ZNF644: variants seen among roughly 807,000 people sequenced by gnomAD.
ZNF644 encodes the protein zinc finger protein 644, also known as zinc finger motif enhancer binding protein 2.
Under a neutral mutation model 108.0 loss-of-function variants are expected in ZNF644, and 20 were observed. That is an observed-to-expected ratio of 0.19 (90% CI 0.13 to 0.27). The LOEUF (loss-of-function observed/expected upper bound fraction) is 0.27. ZNF644 is among the 10% of genes least tolerant of loss of function. The pLI is 1.00. For synonymous variants in ZNF644, 542 were observed against 539.1 expected, an observed-to-expected ratio of 1.01 and a Z score of -0.08; for missense variants, 1,338 against 1,548.9, an observed-to-expected ratio of 0.86 and a Z score of 2.29.
intron 1 of ZNF644, among the ~76,000 whole-genome samples, chr1:91,009,744 T>C (rs1045223813): frequency 1.3e-5 from 2 of 152,196 alleles, no homozygotes; most frequent in Non-Finnish European, 2.9e-5. Context: ...TTTATTGGTT[T>C]TCAAAGTAAA....
rs1020058948 is a variant in ZNF644 at position 90,943,290 on chromosome 1, A to T, written c.45-1981T>A. Among the ~76,000 whole-genome samples, 3 of 152,212 alleles carry T rather than the reference A, an allele frequency of 2.0e-5. No individual in the cohort carries two copies. In the South Asian group the frequency reaches 6.2e-4, roughly 32 times the overall value. Reference sequence around the variant, plus strand: ...CCCCGTCTCTACTAAAAATAAAAAAAATTAGCCAGGCGTGGTGGTGGGTGC... The same window carrying T: ...CCCCGTCTCTACTAAAAATAAAAAATATTAGCCAGGCGTGGTGGTGGGTGC... On this transcript the variant is annotated intron_variant, in intron 2 of 5. Coordinates refer to ENST00000337393, the MANE Select transcript of ZNF644 (RefSeq NM_201269.3).
Position 90,940,509 on chromosome 1 carries a change from T to C in ZNF644, c.845A>G (p.His282Arg). Residue 282 changes from histidine (H) to arginine (R), a missense_variant, in exon 3 of 6, where the codon CAT (histidine) becomes CGT (arginine). His to Arg is a conservative substitution (Grantham distance 29). Coordinates refer to ENST00000337393, the MANE Select transcript of ZNF644 (RefSeq NM_201269.3). ...TTTTTTTTCTAGACCTATTTTAGAA[T>C]GAGGTGGAGCTTTATCTACTGTTTC... ...NEETVDKAPP[H>R]SKIGLEKKRK... The C allele has an allele frequency of 6.2e-7, 1 of 1,613,840 alleles. No individual in the cohort carries two copies. The highest frequency in any genetic ancestry group is 8.5e-7 in the Non-Finnish European group (1 of 1,179,870).
At chr1:90,946,482 G>A (rs1266939541) in intron 2 of ZNF644, among the ~76,000 whole-genome samples, 1 of 152,010 alleles carries the variant, frequency 6.6e-6, no homozygotes, top group East Asian at 1.9e-4. Flanking sequence ...CAAATGTTTA[G>A]TACTTAGTTA....
intron 2 of ZNF644, among the ~76,000 whole-genome samples, chr1:90,953,473 C>T (rs575311327): frequency 1.6e-4 from 24 of 151,816 alleles, no homozygotes; most frequent in South Asian, 6.3e-4. Flanking sequence ...AGCAAACCAC[C>T]GTGGCACACA....
rs1557570145 is a variant in ZNF644 at position 90,939,516 on chromosome 1, C to G, written c.1838G>C (p.Cys613Ser). The G allele has an allele frequency of 6.2e-7, 1 of 1,613,802 alleles. No individual in the cohort carries two copies. The highest frequency in any genetic ancestry group is 1.7e-5 in the Admixed American group (1 of 59,994). Residue 613 changes from cysteine (C) to serine (S), a missense_variant, in exon 3 of 6, where the codon TGT (cysteine) becomes TCT (serine). This residue lies in a region of ZNF644 where 462 missense variants were observed against 472.6 expected (regional missense o/e 0.98). Coordinates refer to ENST00000337393, the MANE Select transcript of ZNF644 (RefSeq NM_201269.3). ...KHTEYLHSSS[C>S]VDSFGSPLGL... The stretch of plus-strand genomic sequence containing the variant: ...AAGAGGACTACCAAATGAATCAACA[C>G]ATGATGATGAATGCAAGTACTCCGT...
In ZNF644 at chr1:90,941,192, G is replaced by T; in HGVS notation, c.162C>A (p.Ser54Arg). ...DDNNFISDKE[S>R]GVHKPKDCQT... ...GACAATCTTTTGGCTTATGAACTCC[G>T]CTCTCTTTGTCTGAGATAAAATTGT... The change falls in exon 3 of 6, where the codon AGC becomes AGA. Residue 54 changes from serine to arginine, a missense_variant. Ser to Arg is a moderately radical substitution (Grantham distance 110). Coordinates refer to ENST00000337393, the MANE Select transcript of ZNF644 (RefSeq NM_201269.3). 1 of 1,610,532 alleles carries T rather than the reference G, an allele frequency of 6.2e-7. No individual in the cohort carries two copies. The highest frequency in any genetic ancestry group is 8.5e-7 in the Non-Finnish European group (1 of 1,178,738).
chr1:90,959,047 C>T (rs1454261570), intron 2 of ZNF644, among the ~76,000 whole-genome samples: 1 of 151,998 alleles, frequency 6.6e-6, no homozygotes, highest in African/African-American at 2.4e-5. Flanking sequence ...ATATCCAGAA[C>T]ACATAAAAAA....
rs538436352 is a variant in ZNF644, at chr1:90,917,045, A to G, written c.3792-55T>C. On this transcript the variant is annotated intron_variant, in intron 5 of 5. Transcript: ENST00000337393. ...GACCAATTCTCTTTCTTTAAAACTA[A>G]TTCACACAAAATCCTAAAACATAAG... 5.1e-5 allele frequency: 80 copies of G among 1,561,186 alleles called. 1 individual carries two copies. The South Asian group carries it at 8.9e-4, about 17-fold the overall frequency.
intron 1 of ZNF644, among the ~76,000 whole-genome samples, chr1:91,000,295 A>T (rs901077235): frequency 5.9e-5 from 9 of 152,188 alleles, no homozygotes; most frequent in Non-Finnish European, 5.9e-5. Flanking sequence ...GAAGTAAAGC[A>T]CTCCTCAACA....
At chr1:90,926,509 C>A (rs1557547930) in intron 4 of ZNF644, among the ~76,000 whole-genome samples, 1 of 152,182 alleles carries the variant, frequency 6.6e-6, no homozygotes, top group Non-Finnish European at 1.5e-5. Context: ...ATAAAGCTCT[C>A]TTTTCCAAAT....
intron 1 of ZNF644, among the ~76,000 whole-genome samples, chr1:91,013,628 T>A (rs553815525): frequency 1.6e-4 from 25 of 152,296 alleles, no homozygotes; most frequent in Middle Eastern, 3.4e-3. Context: ...CATTTTCTGT[T>A]CTCAGCTATC....
chr1:90,964,419 T>C (rs1355723990), intron 2 of ZNF644, among the ~76,000 whole-genome samples: 1 of 152,150 alleles, frequency 6.6e-6, no homozygotes, highest in Non-Finnish European at 1.5e-5. Context: ...CAAAAATGTA[T>C]ATACTTCCCT....
intron 1 of ZNF644, among the ~76,000 whole-genome samples, chr1:91,016,272 T>A (rs897771277): frequency 1.3e-5 from 2 of 152,204 alleles, no homozygotes; most frequent in Non-Finnish European, 2.9e-5. Context: ...AGTACTAGTT[T>A]TACAGTCATA....
chr1:91,002,086 G>C (rs1331497400), intron 1 of ZNF644, among the ~76,000 whole-genome samples: 1 of 152,146 alleles, frequency 6.6e-6, no homozygotes, highest in African/African-American at 2.4e-5. Context: ...TCAGTATCGG[G>C]AAAATGGCCA....
chr1:90,938,067 A>G lies in ZNF644; in HGVS notation c.3106T>C (p.Ser1036Pro). 6.2e-7 allele frequency: 1 copy of G among 1,611,020 alleles called. No individual in the cohort carries two copies. Among genetic ancestry groups the G allele is most frequent in the Middle Eastern group, 1.7e-4 (1 of 6,060 alleles). The change falls in exon 4 of 6, where the codon TCT (serine) becomes CCT (proline). Residue 1036 changes from serine to proline, a missense_variant. Ser to Pro is a moderately conservative substitution (Grantham distance 74). Coordinates refer to ENST00000337393, the MANE Select transcript of ZNF644 (RefSeq NM_201269.3). This position sits in a 1 kb window ranked among gnomAD's most constrained non-coding sequence, Gnocchi z 4.2. ...RKAIEKSETT[S>P]EHTCQLCGGW... ...CCACAGAGCTGACAAGTGTGTTCAGAAGTGGTTTCAGACTTCTCTATAGCT... is the reference window on the plus strand; with the variant it reads ...CCACAGAGCTGACAAGTGTGTTCAGGAGTGGTTTCAGACTTCTCTATAGCT...
chr1:91,019,397 TC>T (rs1423385552), intron 1 of ZNF644, among the ~76,000 whole-genome samples: 2 of 152,208 alleles, frequency 1.3e-5, no homozygotes, highest in African/African-American at 4.8e-5. Context: ...ATTTATCAAG[TC>T]CCTGGTTGTT....
rs764575269 is a variant in ZNF644, at chr1:90,918,169, A to T, written c.3689-15T>A. ...ACAATCTAAGGCTAAAAAGGGGAAGAGAAAGACTTAACATTCCTTATATAT... is the reference window on the plus strand; with the variant it reads ...ACAATCTAAGGCTAAAAAGGGGAAGTGAAAGACTTAACATTCCTTATATAT... On this transcript the variant is annotated splice_polypyrimidine_tract_variant and intron_variant, in intron 4 of 5. Coordinates refer to ENST00000337393, the MANE Select transcript of ZNF644 (RefSeq NM_201269.3). 94 of 1,597,594 alleles carry T rather than the reference A, an allele frequency of 5.9e-5. No individual in the cohort carries two copies. The South Asian group carries it at 1.0e-3, about 17-fold the overall frequency.
intron 1 of ZNF644, among the ~76,000 whole-genome samples, chr1:90,999,545 CA>C (rs1450244344): frequency 2.0e-5 from 3 of 152,160 alleles, no homozygotes; most frequent in Non-Finnish European, 4.4e-5. Flanking sequence ...AAGCACTAAA[CA>C]TGGAAAGGAA....
chr1:90,982,873 C>T (rs1240681156), intron 1 of ZNF644, among the ~76,000 whole-genome samples: 1 of 151,968 alleles, frequency 6.6e-6, no homozygotes, highest in African/African-American at 2.4e-5. Flanking sequence ...TAATAGCCAA[C>T]ACTGATTACT....
Sources: gnomAD v4.1 joint callset for allele counts (sites outside exome capture counted in the v4.1 genomes callset) on GRCh38, gnomAD v4.1.1 for gene constraint, gnomAD v4.1.1 regional missense constraint, Gnocchi (gnomAD v3.1) non-coding constraint, MANE v1.5 for transcripts, NCBI Gene and HGNC (gene_info 2026-07-23, HGNC 2026-07-21) for gene names.